The following NR4A2 variants were observed in gnomAD, a reference collection of about 807,000 sequenced individuals.
The protein encoded by NR4A2 is nuclear receptor subfamily 4 group A member 2, also known as NGFI-B/nur77 beta-type transcription factor homolog.
Under a neutral mutation model 50.5 loss-of-function variants are expected in NR4A2, and 1 was observed. The observed-to-expected ratio is 0.02, with a 90% CI of 0.01 to 0.09. The LOEUF is 0.09. NR4A2 is among the 10% of genes least tolerant of loss of function. The pLI is 1.00. For synonymous variants in NR4A2, 328 were observed against 309.4 expected, an observed-to-expected ratio of 1.06 and a Z score of -0.63; for missense variants, 613 against 777.3, an observed-to-expected ratio of 0.79 and a Z score of 2.51.
Position 156,329,446 on chromosome 2 carries a change from C to G in NR4A2, c.741G>C (p.Gln247His). Residue 247 changes from glutamine to histidine, a missense_variant, in exon 3 of 8, where the codon CAG becomes CAC. By Grantham distance (24) the Gln-to-His change is conservative. This residue lies in a region of NR4A2 where 275 missense variants were observed against 248.9 expected (regional missense o/e 1.10). Coordinates refer to ENST00000339562, the MANE Select transcript of NR4A2 (RefSeq NM_006186.4). This position sits in a 1 kb window ranked among gnomAD's most constrained non-coding sequence, Gnocchi z 7.5. The stretch of plus-strand genomic sequence containing the variant: ...AGCCCCGCGACGGCGGTGAGGGCAC[C>G]TGCGTGTCGAGCAGCTGAGACGCGT... ...IGHASQLLDT[Q>H]VPSPPSRGSP... 3.7e-6 allele frequency: 6 copies of G among 1,608,784 alleles called. No individual in the cohort carries two copies. Among genetic ancestry groups the G allele is most frequent in the Non-Finnish European group, 5.1e-6 (6 of 1,179,242 alleles).
In NR4A2 at chr2:156,325,834, C is replaced by G. The variant is rs750184164; in HGVS notation, c.1707G>C (p.Gly569=). Residue 569 remains glycine (G), a synonymous_variant, in exon 8 of 8, where the codon GGG becomes GGC. Transcript: ENST00000339562. ...LPELRTLCTQ[G]LQRIFYLKLE... is the part of the protein sequence containing the mutation. Reference sequence around the variant, plus strand: ...ATTTCAGGTAGAAAATGCGCTGTAGCCCCTGTGTGCAAAGGGTACGAAGTT... The same window carrying G: ...ATTTCAGGTAGAAAATGCGCTGTAGGCCCTGTGTGCAAAGGGTACGAAGTT... 6.2e-7 allele frequency: 1 copy of G among 1,614,066 alleles called. No homozygotes were observed. Among genetic ancestry groups the G allele is most frequent in the Non-Finnish European group, 8.5e-7 (1 of 1,180,038 alleles).
chr2:156,329,069 G>T lies in NR4A2; in HGVS notation c.864+254C>A, dbSNP rs897645933. On this transcript the variant is annotated intron_variant, in intron 3 of 7. Coordinates refer to ENST00000339562, the MANE Select transcript of NR4A2 (RefSeq NM_006186.4). The surrounding 1 kb of genome is among the most constrained non-coding windows in gnomAD (Gnocchi z 7.5). ...TCCGGCTCCAGCAACTTCGGGCGGGGGCCAGCCGGGTCGGCTGAATGCGAG... is the reference window on the plus strand; with the variant it reads ...TCCGGCTCCAGCAACTTCGGGCGGGTGCCAGCCGGGTCGGCTGAATGCGAG... Among the ~76,000 whole-genome samples, 2 of 152,206 alleles carry T rather than the reference G, an allele frequency of 1.3e-5. No homozygotes were observed. The highest frequency in any genetic ancestry group is 4.8e-5 in the African/African-American group (2 of 41,448).
chr2:156,330,587 A>G, intron 2 of NR4A2, 81 bp downstream of exon 2: 1 of 1,374,140 alleles, frequency 7.3e-7, no homozygotes. Flanking sequence ...GCAAACCTTA[A>G]GTTACAGGGT....
chr2:156,326,268 T>A lies in NR4A2; in HGVS notation c.1422A>T (p.Gln474His), dbSNP rs767091196. ...FCNGVVLHRL[Q>H]CVRGFGEWID... The stretch of plus-strand genomic sequence containing the variant: ...TCCATTCCCCAAAGCCACGAACGCA[T>A]TGCAACCTGTGCAAGACCACCCCAT... The change falls in exon 7 of 8, where the codon CAA becomes CAT. Residue 474 changes from glutamine to histidine, a missense_variant. Coordinates refer to ENST00000339562, the MANE Select transcript of NR4A2 (RefSeq NM_006186.4). The surrounding 1 kb of genome is among the most constrained non-coding windows in gnomAD (Gnocchi z 4.2). 5.6e-6 allele frequency: 9 copies of A among 1,614,072 alleles called. 1 individual carries two copies. The Admixed American group carries it at 1.3e-4, about 24-fold the overall frequency.
chr2:156,325,642 G>T lies in NR4A2; in HGVS notation c.*102C>A. 2 of 1,443,834 alleles carry T rather than the reference G, an allele frequency of 1.4e-6. No individual in the cohort carries two copies. The highest frequency in any genetic ancestry group is 1.9e-6 in the Non-Finnish European group (2 of 1,027,168). The allele number at this position is 1,443,834 out of a possible 1,614,324, so 89.4% of individuals were successfully genotyped here. ...GGGTTACAGAAATGGGGGGCAGCTT[G>T]AGCTGAGACTGCTCACACGGCTATC... On this transcript the variant is annotated 3_prime_UTR_variant, in exon 8 of 8. Transcript: ENST00000339562.
Position 156,332,514 on chromosome 2 carries a change from A to T in NR4A2, c.-161T>A, listed in dbSNP as rs1558870749. The T allele has an allele frequency of 7.8e-7, 1 of 1,289,112 alleles. No homozygotes were observed. The highest frequency in any genetic ancestry group is 2.3e-5 in the Admixed American group (1 of 43,564). The allele number at this position is 1,289,112 out of a possible 1,614,324, so 79.9% of individuals were successfully genotyped here. On this transcript the variant is annotated 5_prime_UTR_variant, in exon 1 of 8. It adds an upstream start codon to the 5' untranslated region. Coordinates refer to ENST00000339562, the MANE Select transcript of NR4A2 (RefSeq NM_006186.4). Reference sequence around the variant, plus strand: ...CTCCGCGTCTGTCTTCATTCATTCAACTCTGCCGAAGTGCAGTTCCCTCTG... The same window carrying T: ...CTCCGCGTCTGTCTTCATTCATTCATCTCTGCCGAAGTGCAGTTCCCTCTG...
Position 156,329,595 on chromosome 2 carries a change from G to A in NR4A2, c.592C>T (p.Leu198=). ...SSCQMRFDGP[L]HVPMNPEPAG... is the part of the protein sequence containing the mutation. Reference sequence around the variant, plus strand: ...GGCTCCGGGTTCATGGGGACGTGCAGGGGCCCGTCGAAGCGCATCTGGCAA... The same window carrying A: ...GGCTCCGGGTTCATGGGGACGTGCAAGGGCCCGTCGAAGCGCATCTGGCAA... The change falls in exon 3 of 8, where the codon CTG becomes TTG. Residue 198 remains leucine, a synonymous_variant. Transcript: ENST00000339562. This position sits in a 1 kb window ranked among gnomAD's most constrained non-coding sequence, Gnocchi z 7.5. The A allele has an allele frequency of 6.2e-7, 1 of 1,608,446 alleles. No homozygotes were observed. The highest frequency in any genetic ancestry group is 8.5e-7 in the Non-Finnish European group (1 of 1,177,196).
In NR4A2 at chr2:156,328,573, C is replaced by T. The variant is rs1686764057; in HGVS notation, c.865-40G>A. 6 of 1,613,698 alleles carry T rather than the reference C, an allele frequency of 3.7e-6. No homozygotes were observed. Among genetic ancestry groups the T allele is most frequent in the East Asian group, 2.2e-5 (1 of 44,880 alleles). ...AATATAGACCAACATTTTTTTTCTTCTTTTGAAAATCAGGCAACTCGGAGA... is the reference window on the plus strand; with the variant it reads ...AATATAGACCAACATTTTTTTTCTTTTTTTGAAAATCAGGCAACTCGGAGA... On this transcript the variant is annotated intron_variant, in intron 3 of 7. Coordinates refer to ENST00000339562, the MANE Select transcript of NR4A2 (RefSeq NM_006186.4). This position sits in a 1 kb window ranked among gnomAD's most constrained non-coding sequence, Gnocchi z 4.9.
intron 1 of NR4A2, among the ~76,000 whole-genome samples, chr2:156,331,557 C>T (rs1174875535): frequency 6.6e-6 from 1 of 152,218 alleles, no homozygotes; most frequent in Non-Finnish European, 1.5e-5. Context: ...TGTTTCCCAG[C>T]ACAGCAAGAT....
Position 156,327,860 on chromosome 2 carries a change from G to A in NR4A2, c.1149C>T (p.Asp383=). ...VDSNPAMTSL[D]YSRFQANPDY... ...CCCGCCAGCTTCTTACCCTGGAATA[G>A]TCCAGGCTGGTCATAGCCGGGTTGG... The change falls in exon 5 of 8, where the codon GAC becomes GAT. Residue 383 remains aspartate, a synonymous_variant. Coordinates refer to ENST00000339562, the MANE Select transcript of NR4A2 (RefSeq NM_006186.4). 1.3e-6 allele frequency: 2 copies of A among 1,583,344 alleles called. No individual in the cohort carries two copies. The highest frequency in any genetic ancestry group is 1.7e-6 in the Non-Finnish European group (2 of 1,163,580).
rs1476036280 is a variant in NR4A2, at chr2:156,328,560, CA to C, written c.865-28del. On this transcript the variant is annotated intron_variant, in intron 3 of 7. Coordinates refer to ENST00000339562, the MANE Select transcript of NR4A2 (RefSeq NM_006186.4). The surrounding 1 kb of genome is among the most constrained non-coding windows in gnomAD (Gnocchi z 4.9). ...TGCAAAAGGAGACAATATAGACCAA[CA>C]TTTTTTTTCTTCTTTTGAAAATCAG... 3.1e-6 allele frequency: 5 copies of C among 1,613,930 alleles called. No homozygotes were observed. Among genetic ancestry groups the C allele is most frequent in the African/African-American group, 1.3e-5 (1 of 74,932 alleles).
At position 156,324,526 on chromosome 2, in the gene NR4A2, C is replaced by A. The variant is rs1402100908; in HGVS notation, c.*1218G>T. 1 of 152,422 alleles carries A rather than the reference C, an allele frequency of 6.6e-6. No individual in the cohort carries two copies. The highest frequency in any genetic ancestry group is 2.4e-5 in the African/African-American group (1 of 41,378). 9.4% of individuals were successfully genotyped at this position (152,422 alleles called of 1,614,324 possible). A position where few individuals can be genotyped will look rare whatever the true frequency, so the allele number is the denominator to read the frequency against. On this transcript the variant is annotated 3_prime_UTR_variant, in exon 8 of 8. Coordinates refer to ENST00000339562, the MANE Select transcript of NR4A2 (RefSeq NM_006186.4). ...AAAAAAAATCAGCATCTCTAACTGT[C>A]ATACACCATAGAAAAAAAGGCAGTG...
chr2:156,332,279 C>G (rs1686966655), intron 1 of NR4A2, among the ~76,000 whole-genome samples: 1 of 152,286 alleles, frequency 6.6e-6, no homozygotes, highest in East Asian at 1.9e-4. Flanking sequence ...AGCCAACTCC[C>G]CACTAGTGCC....
chr2:156,326,501 C>T lies in NR4A2; in HGVS notation c.1362-173G>A, dbSNP rs1368774688. Among the ~76,000 whole-genome samples, 5 of 152,168 alleles carry T rather than the reference C, an allele frequency of 3.3e-5. No individual in the cohort carries two copies. The highest frequency in any genetic ancestry group is 2.1e-4 in the South Asian group (1 of 4,830). On this transcript the variant is annotated intron_variant, in intron 6 of 7. Coordinates refer to ENST00000339562, the MANE Select transcript of NR4A2 (RefSeq NM_006186.4). This position sits in a 1 kb window ranked among gnomAD's most constrained non-coding sequence, Gnocchi z 4.2. ...GGTTTAATTTCATAACAATCAAGAA[C>T]GCCCCCTATCCCACCTCCATTCCAT...
intron 1 of NR4A2, 55 bp from the exon 2 acceptor site, chr2:156,330,846 G>A (rs1382562184): frequency 1.6e-6 from 2 of 1,238,766 alleles, no homozygotes; most frequent in Non-Finnish European, 1.0e-6. Context: ...GATTCAGCTG[G>A]GCATATGTAG....
intron 1 of NR4A2, among the ~76,000 whole-genome samples, chr2:156,331,573 C>T (rs1252517134): frequency 6.6e-6 from 1 of 152,202 alleles, no homozygotes; most frequent in East Asian, 1.9e-4. Context: ...AAGATGAACA[C>T]CTTCCCCATA....
Position 156,330,120 on chromosome 2 carries a change from T to A in NR4A2, c.67A>T (p.Ser23Cys). 6.2e-7 allele frequency: 1 copy of A among 1,614,168 alleles called. No homozygotes were observed. Among genetic ancestry groups the A allele is most frequent in the Non-Finnish European group, 8.5e-7 (1 of 1,180,028 alleles). The change falls in exon 3 of 8, where the codon AGT becomes TGT. Residue 23 changes from serine to cysteine, a missense_variant. Physicochemically the swap from Ser to Cys is moderately radical, Grantham distance 112. Transcript: ENST00000339562. ...CTGTATTCTCCCGAAGAGTGGTAAC[T>A]GTAGCTCTGAGAAGCGGGGCTGGCT... Reference protein sequence around the residue: ...QGASPASQSYSYHSSGEYSSD... With the variant: ...QGASPASQSYCYHSSGEYSSD...
In NR4A2 at chr2:156,327,917, C is replaced by G; in HGVS notation, c.1092G>C (p.Leu364=). The change falls in exon 5 of 8, where the codon CTG becomes CTC. Residue 364 remains leucine, a synonymous_variant. Transcript: ENST00000339562. The stretch of plus-strand genomic sequence containing the variant: ...CATGGGCCCTGACGAGGGCACTGAT[C>G]AGACTCACCGGGGGCGAAGGGGGAG... ...EPSPPSPPVS[L]ISALVRAHVD... is the part of the protein sequence containing the mutation. The G allele has an allele frequency of 6.3e-7, 1 of 1,596,340 alleles. No homozygotes were observed. Among genetic ancestry groups the G allele is most frequent in the Non-Finnish European group, 8.5e-7 (1 of 1,170,686 alleles).
rs1301645463 is a variant in NR4A2, at chr2:156,325,017, C to T, written c.*727G>A. On this transcript the variant is annotated 3_prime_UTR_variant, in exon 8 of 8. Transcript: ENST00000339562. ...TACTATTTATATAATATAGACATTACTGAAGTAGCAAGTGCCTATAACATT... is the reference window on the plus strand; with the variant it reads ...TACTATTTATATAATATAGACATTATTGAAGTAGCAAGTGCCTATAACATT... 1 of 152,790 alleles carries T rather than the reference C, an allele frequency of 6.5e-6. No homozygotes were observed. The highest frequency in any genetic ancestry group is 2.4e-5 in the African/African-American group (1 of 41,434). 9.5% of individuals were successfully genotyped at this position (152,790 alleles called of 1,614,324 possible).
Sources: gnomAD v4.1 joint callset for allele counts (sites outside exome capture counted in the v4.1 genomes callset) on GRCh38, gnomAD v4.1.1 for gene constraint, gnomAD v4.1.1 regional missense constraint, Gnocchi (gnomAD v3.1) non-coding constraint, MANE v1.5 for transcripts, NCBI Gene and HGNC (gene_info 2026-07-23, HGNC 2026-07-21) for gene names.